WWP2: variants seen among roughly 807,000 people sequenced by gnomAD.
The protein encoded by WWP2 is WW domain containing E3 ubiquitin protein ligase 2.
Under a neutral mutation model 121.0 loss-of-function variants are expected in WWP2, and 57 were observed. The observed-to-expected ratio is 0.47, with a 90% CI of 0.38 to 0.59. The LOEUF is 0.59. Ranked by LOEUF, WWP2 falls within the 20% of genes least tolerant of loss-of-function variation. The pLI is 0.00. For synonymous variants in WWP2, 449 were observed against 441.3 expected, an observed-to-expected ratio of 1.02 and a Z score of -0.22; for missense variants, 962 against 1,158.9, an observed-to-expected ratio of 0.83 and a Z score of 2.47.
chr16:69,825,065 C>A (rs914455496), intron 4 of WWP2, among the ~76,000 whole-genome samples: 2 of 151,980 alleles, frequency 1.3e-5, no homozygotes, highest in Non-Finnish European at 1.5e-5. Context: ...CTCGGCCTTG[C>A]ATCTGTAGCT....
intron 4 of WWP2, among the ~76,000 whole-genome samples, chr16:69,837,949 G>A (rs190050517): frequency 2.6e-4 from 39 of 152,236 alleles, no homozygotes; most frequent in Non-Finnish European, 3.4e-4. Context: ...AGGCTAGGGC[G>A]CGGTGGCTCA....
In WWP2 at chr16:69,810,415, G is replaced by GT. The variant is rs541296132; in HGVS notation, c.340+11126dup. On this transcript the variant is annotated intron_variant, in intron 4 of 23. Transcript: ENST00000359154. ...CCCAGCTTTTGATGTTGCCAGTTCA[G>GT]TTTTTTAACATCTTTTTTTTTTTTT... Among the ~76,000 whole-genome samples, 332 of 150,802 alleles carry GT rather than the reference G, an allele frequency of 2.2e-3. 2 individuals carry two copies. Among genetic ancestry groups the GT allele is most frequent in the South Asian group, 5.6e-3 (27 of 4,782 alleles).
chr16:69,915,871 C>CA (rs1456497923), intron 9 of WWP2, among the ~76,000 whole-genome samples: 4 of 151,856 alleles, frequency 2.6e-5, no homozygotes, highest in Non-Finnish European at 1.5e-5. Context: ...TCCATGTCTA[C>CA]AAAAATTTTT....
chr16:69,887,803 G>T (rs1342250690), intron 7 of WWP2, among the ~76,000 whole-genome samples: 1 of 152,184 alleles, frequency 6.6e-6, no homozygotes, highest in African/African-American at 2.4e-5. Flanking sequence ...ATAAAGTTAT[G>T]TAAAAAAGGT....
intron 7 of WWP2, among the ~76,000 whole-genome samples, chr16:69,873,061 G>A (rs1024383441): frequency 6.6e-6 from 1 of 152,230 alleles, no homozygotes; most frequent in Non-Finnish European, 1.5e-5. Flanking sequence ...GAGGAATGCA[G>A]GTGTTGAAAT....
intron 7 of WWP2, among the ~76,000 whole-genome samples, chr16:69,880,172 T>G (rs2057801682): frequency 6.6e-6 from 1 of 151,202 alleles, no homozygotes; most frequent in African/African-American, 2.4e-5. Context: ...ATATATTATA[T>G]AGACATGTAT....
intron 6 of WWP2, among the ~76,000 whole-genome samples, chr16:69,869,787 G>C (rs1285479624): frequency 6.6e-6 from 1 of 152,152 alleles, no homozygotes; most frequent in Non-Finnish European, 1.5e-5. Context: ...TGTTCATCTT[G>C]TCAAATTCTG....
intron 6 of WWP2, among the ~76,000 whole-genome samples, chr16:69,871,446 A>G (rs1340139910): frequency 6.6e-6 from 1 of 152,232 alleles, no homozygotes; most frequent in African/African-American, 2.4e-5. Flanking sequence ...GAAATATTTC[A>G]TCTGAGCCTG....
intron 6 of WWP2, among the ~76,000 whole-genome samples, chr16:69,851,177 A>ATT (rs34470069): frequency 7.9e-4 from 115 of 145,046 alleles, no homozygotes; most frequent in African/African-American, 2.2e-3. Flanking sequence ...TGCCCAGCTA[A>ATT]TTTTTTTTTT....
chr16:69,911,529 A>G (rs948669997), intron 9 of WWP2, among the ~76,000 whole-genome samples: 1 of 152,138 alleles, frequency 6.6e-6, no homozygotes, highest in Non-Finnish European at 1.5e-5. Flanking sequence ...TGAAGTAAAG[A>G]AGTCCAAGTG....
chr16:69,798,731 C>T lies in WWP2; in HGVS notation c.120C>T (p.Ser40=). Residue 40 remains serine (S), a synonymous_variant, in exon 3 of 24, where the codon TCC becomes TCT. Transcript: ENST00000359154. The part of the protein sequence containing the change: ...KVHNRQPRIN[S]YVEVAVDGLP... Reference sequence around the variant, plus strand: ...ATAATCGTCAACCTCGAATTAACTCCTACGTGGAGGTGGCGGTGGATGGAC... The same window carrying T: ...ATAATCGTCAACCTCGAATTAACTCTTACGTGGAGGTGGCGGTGGATGGAC... 1.2e-6 allele frequency: 2 copies of T among 1,614,092 alleles called. No homozygotes were observed. The highest frequency in any genetic ancestry group is 1.1e-5 in the South Asian group (1 of 91,086).
At chr16:69,802,025 G>T (rs1285744674) in intron 4 of WWP2, among the ~76,000 whole-genome samples, 1 of 151,764 alleles carries the variant, frequency 6.6e-6, no homozygotes. Context: ...TGCCTTCTGG[G>T]TTCAAGCGAT....
intron 2 of WWP2, among the ~76,000 whole-genome samples, chr16:69,790,268 AGAAACAGTT>A (rs1476309705): frequency 6.6e-6 from 1 of 152,236 alleles, no homozygotes; most frequent in East Asian, 1.9e-4. Flanking sequence ...ACAAAAAAAG[AGAAACAGTT>A]GATTAACACG....
chr16:69,800,464 ACTTTTG>A (rs1230426138), intron 4 of WWP2, among the ~76,000 whole-genome samples: 2 of 152,144 alleles, frequency 1.3e-5, no homozygotes, highest in Non-Finnish European at 2.9e-5. Context: ...CAGCCAATAT[ACTTTTG>A]CTTTTGGTTA....
chr16:69,911,941 A>G (rs1050224804), intron 9 of WWP2, among the ~76,000 whole-genome samples: 10 of 152,094 alleles, frequency 6.6e-5, no homozygotes, highest in Admixed American at 3.3e-4. Context: ...GATGTGCACC[A>G]TGGGGCTCTG....
At chr16:69,871,226 A>G (rs1203241003) in intron 6 of WWP2, among the ~76,000 whole-genome samples, 3 of 152,168 alleles carry the variant, frequency 2.0e-5, no homozygotes, top group South Asian at 2.1e-4. Flanking sequence ...TGAGGCTGCA[A>G]TGAGCTATGA....
At chr16:69,916,161 C>T (rs1245797466) in intron 9 of WWP2, among the ~76,000 whole-genome samples, 1 of 152,062 alleles carries the variant, frequency 6.6e-6, no homozygotes, top group Non-Finnish European at 1.5e-5. Flanking sequence ...GATTTTGACT[C>T]AAGGGCAATG....
In WWP2 at chr16:69,930,193, A is replaced by G; in HGVS notation, c.1380A>G (p.Arg460=). 2 of 1,614,048 alleles carry G rather than the reference A, an allele frequency of 1.2e-6. No homozygotes were observed. Among genetic ancestry groups the G allele is most frequent in the South Asian group, 2.2e-5 (2 of 91,048 alleles). ...WEMKYTSEGV[R]YFVDHNTRTT... The stretch of plus-strand genomic sequence containing the variant: ...TGAAATACACCAGCGAGGGGGTGCG[A>G]TACTTTGTGGACCACAATACCCGCA... The change falls in exon 13 of 24, where the codon CGA becomes CGG. Residue 460 remains arginine, a synonymous_variant. Transcript: ENST00000359154.
chr16:69,815,105 C>G (rs908211157), intron 4 of WWP2, among the ~76,000 whole-genome samples: 1 of 151,964 alleles, frequency 6.6e-6, no homozygotes, highest in African/African-American at 2.4e-5. Context: ...TGGGTTCAAG[C>G]GATTCTCCTG....
Sources: allele counts gnomAD v4.1 joint callset (sites outside exome capture counted in the v4.1 genomes callset), GRCh38; gene constraint gnomAD v4.1.1; transcripts MANE v1.5; gene names NCBI Gene and HGNC (gene_info 2026-07-23, HGNC 2026-07-21).